The following RNF144A variants were observed in gnomAD, a reference collection of about 807,000 sequenced individuals.
RNF144A encodes the protein E3 ubiquitin-protein ligase RNF144A.
In RNF144A, 11 loss-of-function variants were observed where a neutral mutation model predicts 38.7. The ratio of observed to expected loss-of-function variants is 0.28; its 90% CI spans 0.18 to 0.47. The LOEUF (loss-of-function observed/expected upper bound fraction) is 0.47, where lower values mean the gene tolerates loss of function less well. Ranked by LOEUF, RNF144A falls within the 20% of genes least tolerant of loss-of-function variation. The pLI, the probability that RNF144A is intolerant of heterozygous loss-of-function variation, is 0.99. For synonymous variants in RNF144A, 149 were observed against 143.9 expected, an observed-to-expected ratio of 1.04 and a Z score of -0.25; for missense variants, 316 against 377.2, an observed-to-expected ratio of 0.84 and a Z score of 1.34.
At chr2:7,012,338 G>C (rs1009223542) in intron 3 of RNF144A, among the ~76,000 whole-genome samples, 1 of 152,328 alleles carries the variant, frequency 6.6e-6, no homozygotes, top group Admixed American at 6.5e-5. Context: ...TCACAACAGC[G>C]CAGGAAGATG....
At chr2:6,983,192 C>T (rs1668745278) in intron 2 of RNF144A, among the ~76,000 whole-genome samples, 1 of 152,334 alleles carries the variant, frequency 6.6e-6, no homozygotes, top group Admixed American at 6.5e-5. Context: ...GTTTGCAAGT[C>T]TCCTTCCTTG....
chr2:7,030,159 C>A lies in RNF144A; in HGVS notation c.691C>A (p.Pro231Thr). 6 of 1,614,030 alleles carry A rather than the reference C, an allele frequency of 3.7e-6. No individual in the cohort carries two copies. Among genetic ancestry groups the A allele is most frequent in the Non-Finnish European group, 5.1e-6 (6 of 1,179,926 alleles). ...DFLLIHYDKG[P>T]CRNKLGHSRA... ...CCTTCTGATACACTACGATAAGGGA[C>A]CCTGCCGGAACAAGCTGGGCCACTC... Residue 231 changes from proline (P) to threonine (T), a missense_variant, in exon 8 of 9, where the codon CCC becomes ACC. Pro to Thr is a conservative substitution (Grantham distance 38, BLOSUM62 -1). Coordinates refer to ENST00000320892, the MANE Select transcript of RNF144A (RefSeq NM_014746.6).
chr2:6,994,490 A>G (rs1347301271), intron 2 of RNF144A, among the ~76,000 whole-genome samples: 2 of 152,142 alleles, frequency 1.3e-5, no homozygotes, highest in South Asian at 2.1e-4. Flanking sequence ...AACCCCATGT[A>G]GAGATTGAAA....
chr2:6,925,211 G>A (rs879925173), intron 1 of RNF144A, among the ~76,000 whole-genome samples: 2 of 152,038 alleles, frequency 1.3e-5, no homozygotes, highest in Admixed American at 6.6e-5. Context: ...TGTAATCCCT[G>A]GTGTGGATGG....
intron 8 of RNF144A, among the ~76,000 whole-genome samples, chr2:7,030,680 G>C (rs563388131): frequency 1.3e-5 from 2 of 152,242 alleles, no homozygotes; most frequent in South Asian, 4.1e-4. Context: ...TGGCACCAGG[G>C]ACTCACTTCG....
rs138140193 is a variant in RNF144A, at chr2:6,966,326, G to A, written c.-12+25179G>A. ...ACCTTCTAGCTAGGATGCAGAAACA[G>A]TAGCAACACGAAGACTAAAGAAACA... On this transcript the variant is annotated intron_variant, in intron 2 of 8. Transcript: ENST00000320892. 1.3e-3 allele frequency among the ~76,000 whole-genome samples: 199 copies of A among 152,342 alleles called. 1 individual carries two copies. Among genetic ancestry groups the A allele is most frequent in the African/African-American group, 4.5e-3 (189 of 41,574 alleles).
chr2:7,068,168 C>A (rs1473267873), intron 6 of RNF144A: 2 of 993,024 alleles, frequency 2.0e-6, no homozygotes, highest in East Asian at 6.0e-5. Flanking sequence ...ATTGAGTAAG[C>A]TTTTCTGTGC....
At chr2:6,977,485 G>A (rs1042797603) in intron 2 of RNF144A, among the ~76,000 whole-genome samples, 3 of 152,190 alleles carry the variant, frequency 2.0e-5, no homozygotes, top group Admixed American at 1.3e-4. Context: ...AGAGAGGATC[G>A]CACCTCATTA....
At chr2:7,009,346 A>G (rs1670648790) in intron 3 of RNF144A, among the ~76,000 whole-genome samples, 1 of 152,298 alleles carries the variant, frequency 6.6e-6, no homozygotes. Flanking sequence ...TAGCTTAGGA[A>G]AAAGGTAATG....
At chr2:7,005,714 T>C (rs1670397766) in intron 3 of RNF144A, among the ~76,000 whole-genome samples, 1 of 152,192 alleles carries the variant, frequency 6.6e-6, no homozygotes, top group Non-Finnish European at 1.5e-5. Context: ...GTTGTCTTCA[T>C]TTTTATCCAT....
intron 2 of RNF144A, among the ~76,000 whole-genome samples, chr2:6,975,945 C>T (rs1490682883): frequency 1.3e-5 from 2 of 152,220 alleles, no homozygotes; most frequent in Non-Finnish European, 2.9e-5. Context: ...ACACATTTTG[C>T]AGATCTTTCC....
At chr2:6,952,790 T>A (rs1399279031) in intron 2 of RNF144A, among the ~76,000 whole-genome samples, 4 of 152,046 alleles carry the variant, frequency 2.6e-5, no homozygotes, top group Non-Finnish European at 4.4e-5. Context: ...TTTAGGCATG[T>A]GTTCATAATT....
intron 2 of RNF144A, among the ~76,000 whole-genome samples, chr2:6,989,509 G>A (rs940322098): frequency 6.6e-6 from 1 of 152,176 alleles, no homozygotes; most frequent in Non-Finnish European, 1.5e-5. Context: ...ATTCTGGTCA[G>A]CACCTTTCCC....
At chr2:7,070,067 C>A (rs191513432), downstream of RNF144A, among the ~76,000 whole-genome samples, 17 of 152,274 alleles carry the variant, frequency 1.1e-4, 1 homozygote, top group East Asian at 3.3e-3. Flanking sequence ...CCAATATTAA[C>A]CAGACTGAAC....
intron 1 of RNF144A, among the ~76,000 whole-genome samples, chr2:6,938,292 G>C (rs1665732248): frequency 7.8e-6 from 1 of 128,280 alleles, no homozygotes; most frequent in African/African-American, 3.0e-5. Context: ...TTGTTGCCCA[G>C]GCTGGAGTGC....
At chr2:6,953,793 A>G (rs993194197) in intron 2 of RNF144A, among the ~76,000 whole-genome samples, 3 of 152,008 alleles carry the variant, frequency 2.0e-5, no homozygotes, top group East Asian at 1.9e-4. Context: ...TATTTTCTAC[A>G]TTTTCACTAG....
chr2:6,961,261 C>T (rs1184846944), intron 2 of RNF144A, among the ~76,000 whole-genome samples: 5 of 151,734 alleles, frequency 3.3e-5, no homozygotes, highest in African/African-American at 4.8e-5. Context: ...TAACATGTTG[C>T]GATTATCTTT....
intron 2 of RNF144A, among the ~76,000 whole-genome samples, chr2:6,989,953 C>T (rs1306426335): frequency 6.6e-6 from 1 of 152,096 alleles, no homozygotes; most frequent in Non-Finnish European, 1.5e-5. Flanking sequence ...ACAGAGTTTC[C>T]ATACACCCAT....
chr2:7,053,385 C>T (rs1673602328), intron 6 of RNF144A, among the ~76,000 whole-genome samples: 1 of 152,168 alleles, frequency 6.6e-6, no homozygotes, highest in Non-Finnish European at 1.5e-5. Flanking sequence ...TCCCAGTTTC[C>T]ATGGGTCTGA....
Sources: allele counts gnomAD v4.1 joint callset (sites outside exome capture counted in the v4.1 genomes callset), GRCh38; gene constraint gnomAD v4.1.1; transcripts MANE v1.5; gene names NCBI Gene and HGNC (gene_info 2026-07-23, HGNC 2026-07-21).